CNTLN: variants seen among roughly 807,000 people sequenced by gnomAD.
The protein encoded by CNTLN is centlein, also known as centlein, centrosomal protein.
A neutral mutation model predicts 180.0 loss-of-function variants in CNTLN; 212 were observed. The observed-to-expected ratio is 1.18, with a 90% CI of 1.05 to 1.32. The LOEUF (loss-of-function observed/expected upper bound fraction) is 1.32. CNTLN is among the 40% of genes most tolerant of loss of function. The pLI is 0.00. For synonymous variants in CNTLN, 722 were observed against 563.1 expected (o/e 1.28, Z -3.99); for missense variants, 2,095 against 1,610.9 (o/e 1.30, Z -5.14).
rs1339553170 is a variant in CNTLN at position 17,207,833 on chromosome 9, T to C, written c.450-18370T>C. Among the ~76,000 whole-genome samples the C allele has an allele frequency of 2.0e-5, 3 of 152,308 alleles. No individual in the cohort carries two copies. In the East Asian group the frequency reaches 5.8e-4, roughly 29 times the overall value. Reference sequence around the variant, plus strand: ...ATGCTGACTTTTTATCATGCAACTTTACTGAATTTATCAGTCCTAATAATT... The same window carrying C: ...ATGCTGACTTTTTATCATGCAACTTCACTGAATTTATCAGTCCTAATAATT... On this transcript the variant is annotated intron_variant, in intron 2 of 25. Coordinates refer to ENST00000380647, the MANE Select transcript of CNTLN (RefSeq NM_017738.4).
intron 2 of CNTLN, among the ~76,000 whole-genome samples, chr9:17,211,273 T>C (rs1432633405): frequency 1.3e-5 from 2 of 152,228 alleles, no homozygotes; most frequent in African/African-American, 4.8e-5. Context: ...TTTCTCCATA[T>C]GGCTAGCCAG....
At chr9:17,451,178 T>C (rs1318121428) in intron 18 of CNTLN, among the ~76,000 whole-genome samples, 1 of 152,142 alleles carries the variant, frequency 6.6e-6, no homozygotes, top group Admixed American at 6.6e-5. Context: ...GAGAATATCA[T>C]TAAGATTATG....
intron 14 of CNTLN, among the ~76,000 whole-genome samples, chr9:17,393,282 T>C (rs992120233): frequency 6.6e-6 from 1 of 152,208 alleles, no homozygotes; most frequent in African/African-American, 2.4e-5. Flanking sequence ...TTTCAACATA[T>C]GAATTTTGTG....
rs764374069 is a variant in CNTLN, at chr9:17,484,325, C to T, written c.3886C>T (p.His1296Tyr). The change falls in exon 24 of 26, where the codon CAT becomes TAT. Residue 1296 changes from histidine (H) to tyrosine (Y), a missense_variant. His to Tyr is a moderately conservative substitution (Grantham distance 83, BLOSUM62 2). Transcript: ENST00000380647. ...GGCCAAAGAGTTGCAAAATGATGTC[C>T]ATGTGGTAAGGCGACAAATAAGAGA... The part of the protein sequence containing the change: ...ALAKELQNDV[H>Y]VVRRQIRELK... 1.6e-5 allele frequency: 25 copies of T among 1,605,274 alleles called. No individual in the cohort carries two copies. In the South Asian group the frequency reaches 2.2e-4, roughly 14 times the overall value.
chr9:17,464,746 A>T (rs1831646154), intron 21 of CNTLN, 123 bp downstream of exon 21: 1 of 559,220 alleles, frequency 1.8e-6, no homozygotes. Context: ...ATTTACTGTT[A>T]CAAAGTAACA....
the CNTLN span, among the ~76,000 whole-genome samples, chr9:17,521,098 C>T: frequency 2.5e-3 from 375 of 152,082 alleles, 3 homozygotes; most frequent in African/African-American, 7.7e-3. Flanking sequence ...AGACAAGGCA[C>T]GAGATAATTA....
At position 17,309,124 on chromosome 9, in the gene CNTLN, GT is replaced by G. The variant is rs1587608267; in HGVS notation, c.1215del (p.Thr406LeufsTer17). Reference sequence around the variant, plus strand: ...AAATGAAGCTATGCTCCGGCAAAGTGTTACTAATCTTCAGGATCAGCTATTA... The same window carrying G: ...AAATGAAGCTATGCTCCGGCAAAGTGTACTAATCTTCAGGATCAGCTATTA... Reference protein sequence around the residue: ...KSNEAMLRQSVTNLQDQLLQK... With the variant: ...KSNEAMLRQSXTNLQDQLLQK... On this transcript the variant is annotated frameshift_variant, in exon 8 of 26. Coordinates refer to ENST00000380647, the MANE Select transcript of CNTLN (RefSeq NM_017738.4). LOFTEE classifies it high-confidence loss of function. 6.2e-7 allele frequency: 1 copy of G among 1,610,064 alleles called. No homozygotes were observed. The highest frequency in any genetic ancestry group is 8.5e-7 in the Non-Finnish European group (1 of 1,178,124).
chr9:17,427,891 C>A (rs1385644832), intron 18 of CNTLN, among the ~76,000 whole-genome samples: 2 of 152,144 alleles, frequency 1.3e-5, no homozygotes. Context: ...GCTTGGGTAT[C>A]TTCTGTGTGC....
At chr9:17,470,521 G>A (rs1038153146) in intron 23 of CNTLN, among the ~76,000 whole-genome samples, 1 of 151,870 alleles carries the variant, frequency 6.6e-6, no homozygotes, top group Non-Finnish European at 1.5e-5. Flanking sequence ...TGGTAGAGGT[G>A]GAGTGGCCAT....
intron 12 of CNTLN, among the ~76,000 whole-genome samples, chr9:17,350,867 A>G (rs979300860): frequency 1.3e-5 from 2 of 152,186 alleles, no homozygotes; most frequent in African/African-American, 2.4e-5. Flanking sequence ...AATCTGATGT[A>G]TGAACACAGT....
At chr9:17,521,265 A>AAAAGAGAG in the CNTLN span, among the ~76,000 whole-genome samples, 1 of 118,508 alleles carries the variant, frequency 8.4e-6, no homozygotes, top group African/African-American at 3.1e-5. Flanking sequence ...AAGGGAGAAA[A>AAAAGAGAG]AGAGAGAGAG....
intron 22 of CNTLN, among the ~76,000 whole-genome samples, chr9:17,466,360 T>C (rs1283023148): frequency 6.6e-6 from 1 of 151,438 alleles, no homozygotes; most frequent in Non-Finnish European, 1.5e-5. Context: ...AAAACTATTA[T>C]TGAACACTGG....
intron 12 of CNTLN, among the ~76,000 whole-genome samples, chr9:17,349,089 A>G (rs1822158093): frequency 1.3e-5 from 2 of 152,148 alleles, no homozygotes; most frequent in Admixed American, 1.3e-4. Flanking sequence ...CAAGGAACTC[A>G]CCACTGTGAG....
In CNTLN at chr9:17,149,952, C is replaced by G. The variant is rs373450266; in HGVS notation, c.449+6576C>G. On this transcript the variant is annotated intron_variant, in intron 2 of 25. Coordinates refer to ENST00000380647, the MANE Select transcript of CNTLN (RefSeq NM_017738.4). ...TGTCTGTTGGCTGCATAAATGTTTT[C>G]TTGTGAGAAGTGTCTGTTCATATCC... is the stretch of plus-strand genomic sequence containing the variant. Among the ~76,000 whole-genome samples the G allele has an allele frequency of 5.3e-4, 80 of 152,256 alleles. 1 individual carries two copies. Among genetic ancestry groups the G allele is most frequent in the Middle Eastern group, 6.8e-3 (2 of 294 alleles).
intron 2 of CNTLN, chr9:17,167,631 A>G (rs1820160464): frequency 6.6e-6 from 1 of 152,242 alleles, no homozygotes; most frequent in Admixed American, 6.5e-5. Flanking sequence ...GAAAAATTCT[A>G]CAATGAGGTA....
chr9:17,366,406 A>G (rs1228303401), intron 12 of CNTLN, among the ~76,000 whole-genome samples: 1 of 152,098 alleles, frequency 6.6e-6, no homozygotes, highest in African/African-American at 2.4e-5. Context: ...GGCTTTCTAA[A>G]ATGCTGGAAT....
At chr9:17,440,505 C>T (rs1051941569) in intron 18 of CNTLN, among the ~76,000 whole-genome samples, 11 of 148,332 alleles carry the variant, frequency 7.4e-5, no homozygotes, top group African/African-American at 1.5e-4. Context: ...AGGAGAATGG[C>T]GTGAACCTGG....
chr9:17,275,099 T>C lies in CNTLN; in HGVS notation c.983+1233T>C, dbSNP rs550847292. 1.2e-4 allele frequency among the ~76,000 whole-genome samples: 19 copies of C among 152,248 alleles called. No individual in the cohort carries two copies. In the South Asian group the frequency reaches 2.3e-3, roughly 18 times the overall value. On this transcript the variant is annotated intron_variant, in intron 6 of 25. Coordinates refer to ENST00000380647, the MANE Select transcript of CNTLN (RefSeq NM_017738.4). Reference sequence around the variant, plus strand: ...TCAGAAAAGTAATTCTAAATAGGAATAGAATCTTAGATTTGGATGAAATTT... The same window carrying C: ...TCAGAAAAGTAATTCTAAATAGGAACAGAATCTTAGATTTGGATGAAATTT...
At chr9:17,163,063 G>A (rs1439059083) in intron 2 of CNTLN, among the ~76,000 whole-genome samples, 1 of 152,180 alleles carries the variant, frequency 6.6e-6, no homozygotes, top group East Asian at 1.9e-4. Flanking sequence ...GGTGAACGAG[G>A]AGCAAAGTCA....
Sources: gnomAD v4.1 joint callset for allele counts (sites outside exome capture counted in the v4.1 genomes callset) on GRCh38, gnomAD v4.1.1 for gene constraint, MANE v1.5 for transcripts, NCBI Gene and HGNC (gene_info 2026-07-23, HGNC 2026-07-21) for gene names.